SENP7: variants seen among roughly 807,000 people sequenced by gnomAD.
The protein encoded by SENP7 is sentrin-specific protease 7.
SENP7 carries 64 observed loss-of-function variants against 141.2 expected under a neutral mutation model. The observed-to-expected ratio is 0.45, with a 90% confidence interval of 0.37 to 0.56. The LOEUF is 0.56. Among genes scored for constraint, SENP7 ranks in the 20% least tolerant of loss-of-function variants. The pLI is 0.00. For synonymous variants in SENP7, 382 were observed against 426.4 expected (o/e 0.90, Z 1.28); for missense variants, 1,025 against 1,212.2 (o/e 0.85, Z 2.29).
In SENP7 at chr3:101,454,387, C is replaced by G. The variant is rs773951833; in HGVS notation, c.284+4568G>C. 6.0e-4 allele frequency among the ~76,000 whole-genome samples: 92 copies of G among 152,140 alleles called. 2 individuals are homozygous for G. The highest frequency in any genetic ancestry group is 4.1e-4 in the South Asian group (2 of 4,820). On this transcript the variant is annotated intron_variant, in intron 4 of 23. Coordinates refer to ENST00000394095, the MANE Select transcript of SENP7 (RefSeq NM_020654.5). ...ATTGGCCAAGCATGGTGGTGCGTGC[C>G]TGTAGTCCCAACTACTTGGTGGGCT... is the stretch of plus-strand genomic sequence containing the variant.
intron 4 of SENP7, among the ~76,000 whole-genome samples, chr3:101,437,269 T>C (rs2062427029): frequency 6.6e-6 from 1 of 152,192 alleles, no homozygotes. Context: ...AGTTAATGGC[T>C]ATAATAAAAA....
intron 6 of SENP7, among the ~76,000 whole-genome samples, chr3:101,384,436 C>T (rs2060594121): frequency 6.6e-6 from 1 of 152,244 alleles, no homozygotes; most frequent in Admixed American, 6.5e-5. Context: ...GGCTGTGACA[C>T]CCTCTTTGGG....
At chr3:101,502,376 C>A (rs2065419301) in intron 1 of SENP7, among the ~76,000 whole-genome samples, 1 of 152,196 alleles carries the variant, frequency 6.6e-6, no homozygotes, top group African/African-American at 2.4e-5. Context: ...AATCTCGGCT[C>A]ACTGCAACCT....
intron 4 of SENP7, chr3:101,457,329 G>A (rs2063385520): frequency 1.4e-6 from 2 of 1,414,090 alleles, no homozygotes; most frequent in Non-Finnish European, 2.0e-6. Flanking sequence ...AGCAAGTGGT[G>A]CTTTTCCATC....
At chr3:101,363,593 A>G (rs2059957151) in intron 10 of SENP7, among the ~76,000 whole-genome samples, 1 of 152,216 alleles carries the variant, frequency 6.6e-6, no homozygotes, top group African/African-American at 2.4e-5. Flanking sequence ...GTTTAAATTC[A>G]TTATCAATAA....
intron 6 of SENP7, among the ~76,000 whole-genome samples, chr3:101,373,775 A>C (rs2107449099): frequency 6.6e-6 from 1 of 152,296 alleles, no homozygotes; most frequent in African/African-American, 2.4e-5. Context: ...TCTCAATCCA[A>C]ATAACAGTTT....
At chr3:101,413,087 A>G (rs190478624) in intron 5 of SENP7, among the ~76,000 whole-genome samples, 1 of 152,276 alleles carries the variant, frequency 6.6e-6, no homozygotes, top group East Asian at 1.9e-4. Flanking sequence ...AAAATGTCCA[A>G]CAAAATACCA....
intron 6 of SENP7, among the ~76,000 whole-genome samples, chr3:101,384,438 C>G (rs956399118): frequency 1.3e-5 from 2 of 152,256 alleles, no homozygotes; most frequent in African/African-American, 4.8e-5. Flanking sequence ...CTGTGACACC[C>G]TCTTTGGGGC....
chr3:101,458,962 G>T lies in SENP7; in HGVS notation c.277C>A (p.Pro93Thr). The T allele has an allele frequency of 1.3e-6, 2 of 1,594,168 alleles. No individual in the cohort carries two copies. The highest frequency in any genetic ancestry group is 2.2e-5 in the East Asian group (1 of 44,682). Residue 93 changes from proline to threonine, a missense_variant, in exon 4 of 24, where the codon CCA becomes ACA. Pro to Thr is a conservative substitution (Grantham distance 38). Transcript: ENST00000394095. ...CACACACACATATCTTACCTTTCTG[G>T]TGATGACTTGGAAGTAACAGGACAC... ...RGCPVTSKSS[P>T]ERQLKVMLTN...
Position 101,367,981 on chromosome 3 carries a change from T to C in SENP7, c.827A>G (p.His276Arg), listed in dbSNP as rs1020371313. 1.2e-6 allele frequency: 2 copies of C among 1,612,622 alleles called. No individual in the cohort carries two copies. The highest frequency in any genetic ancestry group is 1.3e-5 in the African/African-American group (1 of 74,858). ...CTTGTTTCTGCTTTCCTGTTCGAGATGATCACAACCTCTACTTCCACTGTT... is the reference window on the plus strand; with the variant it reads ...CTTGTTTCTGCTTTCCTGTTCGAGACGATCACAACCTCTACTTCCACTGTT... ...DLNSGSRGCD[H>R]LEQESRNKDV... The change falls in exon 8 of 24, where the codon CAT becomes CGT. Residue 276 changes from histidine to arginine, a missense_variant. By Grantham distance (29) the His-to-Arg change is conservative. Transcript: ENST00000394095.
At chr3:101,443,458 TTAAAG>T (rs150382386) in intron 4 of SENP7, among the ~76,000 whole-genome samples, 57,711 of 148,660 alleles carry the variant, frequency 0.39, 11,509 homozygotes, top group Admixed American at 0.53. Context: ...CATATGAACT[TTAAAG>T]TAGTTTTTTC....
intron 4 of SENP7, among the ~76,000 whole-genome samples, chr3:101,428,387 T>C (rs2062036162): frequency 6.6e-6 from 1 of 152,228 alleles, no homozygotes. Context: ...ATGATCACCA[T>C]TCTAACTGGC....
Position 101,337,649 on chromosome 3 carries a change from C to A in SENP7, c.2358-18G>T. 1 of 1,511,402 alleles carries A rather than the reference C, an allele frequency of 6.6e-7. No individual in the cohort carries two copies. Among genetic ancestry groups the A allele is most frequent in the Non-Finnish European group, 8.8e-7 (1 of 1,131,310 alleles). 93.6% of individuals were successfully genotyped at this position (1,511,402 alleles called of 1,614,324 possible). On this transcript the variant is annotated intron_variant, in intron 16 of 23. Coordinates refer to ENST00000394095, the MANE Select transcript of SENP7 (RefSeq NM_020654.5). ...TAAGATACCTGTAAAGTAGTAACCCCACAAAAGTAAATTATTTTTAGATTT... is the reference window on the plus strand; with the variant it reads ...TAAGATACCTGTAAAGTAGTAACCCAACAAAAGTAAATTATTTTTAGATTT...
At chr3:101,402,524 AGGCAGGAGAATCG>A (rs2061175900) in intron 5 of SENP7, among the ~76,000 whole-genome samples, 1 of 99,556 alleles carries the variant, frequency 1.0e-5, no homozygotes, top group Non-Finnish European at 2.1e-5. Flanking sequence ...TCAGAGGCTG[AGGCAGGAGAATCG>A]CTTGAACCTG....
intron 3 of SENP7, among the ~76,000 whole-genome samples, chr3:101,477,934 A>G (rs1458734709): frequency 6.6e-6 from 1 of 152,090 alleles, no homozygotes; most frequent in Non-Finnish European, 1.5e-5. Context: ...TATAATACAA[A>G]GAATCAATGA....
intron 4 of SENP7, among the ~76,000 whole-genome samples, chr3:101,419,790 A>G (rs933936436): frequency 6.6e-6 from 1 of 152,224 alleles, no homozygotes; most frequent in African/African-American, 2.4e-5. Flanking sequence ...TTAAGTGCTA[A>G]TATTTATTGA....
rs146842684 is a variant in SENP7, at chr3:101,460,705, C to G, written c.187-1653G>C. 5.1e-3 allele frequency among the ~76,000 whole-genome samples: 772 copies of G among 152,212 alleles called. 24 individuals are homozygous for G. The highest frequency in any genetic ancestry group is 0.044 in the Admixed American group (676 of 15,274). On this transcript the variant is annotated intron_variant, in intron 3 of 23. Transcript: ENST00000394095. ...AAGAGAAAAATGATAAAGTGGACAT[C>G]AGCAAAATTTGAAACTTTTATTCAT...
chr3:101,463,402 T>TACAC (rs1553744835), intron 3 of SENP7, among the ~76,000 whole-genome samples: 5 of 101,246 alleles, frequency 4.9e-5, no homozygotes, highest in African/African-American at 1.2e-4. Context: ...TATATACATA[T>TACAC]ATATATATAT....
intron 3 of SENP7, among the ~76,000 whole-genome samples, chr3:101,488,988 GA>G (rs2064849173): frequency 6.6e-6 from 1 of 152,194 alleles, no homozygotes; most frequent in African/African-American, 2.4e-5. Context: ...CAAACCAGAA[GA>G]GATTGGGGGC....
Sources: gnomAD v4.1 joint callset for allele counts (sites outside exome capture counted in the v4.1 genomes callset) on GRCh38, gnomAD v4.1.1 for gene constraint, MANE v1.5 for transcripts, NCBI Gene and HGNC (gene_info 2026-07-23, HGNC 2026-07-21) for gene names.